Variants in LIPC observed in about 807,000 individuals in gnomAD.
LIPC encodes the protein hepatic triacylglycerol lipase.
A neutral mutation model predicts 50.7 loss-of-function variants in LIPC; 44 were observed. The ratio of observed to expected loss-of-function variants is 0.87; its 90% CI spans 0.68 to 1.11. The LOEUF is 1.11. LIPC is among the 50% of genes most tolerant of loss of function. The probability of loss-of-function intolerance (pLI) is 0.00; values close to 1 mark genes in which losing one functional copy is unlikely to be tolerated. For synonymous variants in LIPC, 271 were observed against 256.4 expected (o/e 1.06, Z -0.54); for missense variants, 697 against 648.2 (o/e 1.08, Z -0.82).
intron 1 of LIPC, among the ~76,000 whole-genome samples, chr15:58,452,895 G>A (rs1893963958): frequency 6.6e-6 from 1 of 152,218 alleles, no homozygotes; most frequent in Non-Finnish European, 1.5e-5. Flanking sequence ...GGTTCACTGT[G>A]GTCCCATCTG....
rs927350688 is a variant in LIPC, at chr15:58,548,549, C to T, written c.1028C>T (p.Thr343Met). The change falls in exon 6 of 9, where the codon ACG becomes ATG. Residue 343 changes from threonine to methionine, a missense_variant. By Grantham distance (81) the Thr-to-Met change is moderately conservative (BLOSUM62 -1). Coordinates refer to ENST00000299022, the MANE Select transcript of LIPC (RefSeq NM_000236.3). ...RSKSKRLFLV[T>M]RAQSPFKVYH... ...AAGAGCAAGAGGCTCTTCCTCGTAACGCGAGCCCAGTCCCCCTTCAAAGGT... is the reference window on the plus strand; with the variant it reads ...AAGAGCAAGAGGCTCTTCCTCGTAATGCGAGCCCAGTCCCCCTTCAAAGGT... 3.1e-6 allele frequency: 5 copies of T among 1,592,938 alleles called. No individual in the cohort carries two copies. The highest frequency in any genetic ancestry group is 2.3e-5 in the East Asian group (1 of 44,340).
At chr15:58,433,934 T>G (rs1893203896) in intron 1 of LIPC, among the ~76,000 whole-genome samples, 3 of 152,224 alleles carry the variant, frequency 2.0e-5, no homozygotes, top group South Asian at 4.1e-4. Context: ...GTGGCTGGTA[T>G]GATGTCTTTC....
intron 6 of LIPC, 43 bp downstream of exon 6, chr15:58,548,615 T>TC (rs768828986): frequency 2.3e-5 from 36 of 1,568,816 alleles, no homozygotes; most frequent in Non-Finnish European, 3.0e-5. Context: ...CAGGATGCAG[T>TC]CCCCTGTCCA....
rs181364860 is a variant in LIPC, at chr15:58,511,751, C to T, written c.89-26582C>T. 5.4e-3 allele frequency among the ~76,000 whole-genome samples: 829 copies of T among 152,294 alleles called. 1 individual carries two copies. Among genetic ancestry groups the T allele is most frequent in the Non-Finnish European group, 9.3e-3 (634 of 68,022 alleles). Reference sequence around the variant, plus strand: ...AGAGAAAGGTCTATGAATAAGATTGCATCACAGTGTGGTTTACATTTGGAA... The same window carrying T: ...AGAGAAAGGTCTATGAATAAGATTGTATCACAGTGTGGTTTACATTTGGAA... On this transcript the variant is annotated intron_variant, in intron 1 of 8. Coordinates refer to ENST00000299022, the MANE Select transcript of LIPC (RefSeq NM_000236.3).
At chr15:58,450,579 G>A (rs1438006514) in intron 1 of LIPC, among the ~76,000 whole-genome samples, 1 of 152,184 alleles carries the variant, frequency 6.6e-6, no homozygotes, top group Non-Finnish European at 1.5e-5. Flanking sequence ...GTCAGTTAAA[G>A]GTCAATTTCC....
intron 1 of LIPC, among the ~76,000 whole-genome samples, chr15:58,494,170 GAGAGA>G (rs1891687995): frequency 6.6e-6 from 1 of 152,230 alleles, no homozygotes; most frequent in Non-Finnish European, 1.5e-5. Flanking sequence ...CACAGCAAGA[GAGAGA>G]ATCCCCAGAG....
intron 1 of LIPC, among the ~76,000 whole-genome samples, chr15:58,462,620 T>C (rs1894392707): frequency 6.6e-6 from 1 of 152,154 alleles, no homozygotes; most frequent in South Asian, 2.1e-4. Flanking sequence ...GATAAATTAA[T>C]CCTCAGCATG....
intron 1 of LIPC, among the ~76,000 whole-genome samples, chr15:58,516,424 G>A (rs1460520419): frequency 1.3e-5 from 2 of 151,586 alleles, no homozygotes; most frequent in Admixed American, 1.3e-4. Context: ...CATTTCTTCT[G>A]TCCCCTTTCT....
At chr15:58,537,178 A>T (rs1893153042) in intron 1 of LIPC, among the ~76,000 whole-genome samples, 1 of 152,180 alleles carries the variant, frequency 6.6e-6, no homozygotes, top group Middle Eastern at 3.2e-3. Context: ...GCCCATCTTG[A>T]CATGCCACGC....
intron 1 of LIPC, among the ~76,000 whole-genome samples, chr15:58,445,078 C>T (rs1389734351): frequency 1.3e-5 from 2 of 152,148 alleles, no homozygotes; most frequent in African/African-American, 2.4e-5. Flanking sequence ...GCCGGCTGGC[C>T]GGCCGCTAGC....
intron 1 of LIPC, among the ~76,000 whole-genome samples, chr15:58,442,459 T>C (rs1389182641): frequency 2.6e-5 from 4 of 152,214 alleles, no homozygotes; most frequent in African/African-American, 9.7e-5. Context: ...AACTGTTTTA[T>C]TCAGGGCCTG....
intron 1 of LIPC, among the ~76,000 whole-genome samples, chr15:58,536,684 T>G (rs1893134700): frequency 6.6e-6 from 1 of 152,198 alleles, no homozygotes; most frequent in Non-Finnish European, 1.5e-5. Context: ...AGACTCTCTA[T>G]AAGCTCAGAA....
intron 8 of LIPC, chr15:58,566,074 G>A: frequency 1.0e-6 from 1 of 979,870 alleles, no homozygotes; most frequent in Non-Finnish European, 1.2e-6. Context: ...ATGTTAAAAT[G>A]CAGGTTCTGC....
chr15:58,519,632 C>G (rs1363464464), intron 1 of LIPC, among the ~76,000 whole-genome samples: 1 of 152,200 alleles, frequency 6.6e-6, no homozygotes, highest in Admixed American at 6.5e-5. Flanking sequence ...CTCTGCCTTG[C>G]TTAGGAGCTG....
At chr15:58,528,659 C>A (rs146650200) in intron 1 of LIPC, among the ~76,000 whole-genome samples, 183 of 152,340 alleles carry the variant, frequency 1.2e-3, no homozygotes, top group African/African-American at 4.2e-3. Flanking sequence ...CACGCACCAC[C>A]ATACCCAGCT....
chr15:58,532,222 C>T (rs1487976791), intron 1 of LIPC, among the ~76,000 whole-genome samples: 1 of 152,194 alleles, frequency 6.6e-6, no homozygotes, highest in Non-Finnish European at 1.5e-5. Context: ...CAAAGCTCAG[C>T]AACAGCTAGG....
intron 1 of LIPC, among the ~76,000 whole-genome samples, chr15:58,519,199 G>A (rs544531977): frequency 2.0e-5 from 3 of 152,186 alleles, no homozygotes; most frequent in East Asian, 3.9e-4. Flanking sequence ...ACGAGGTCAG[G>A]AGATCGAGAC....
chr15:58,538,664 G>T, intron 2 of LIPC, 147 bp downstream of exon 2: 1 of 770,328 alleles, frequency 1.3e-6, no homozygotes, highest in Non-Finnish European at 2.3e-6. Context: ...TTTTCCAAGT[G>T]CTTCCCCACG....
At chr15:58,561,314 T>C (rs551976040) in intron 7 of LIPC, among the ~76,000 whole-genome samples, 16 of 151,998 alleles carry the variant, frequency 1.1e-4, no homozygotes, top group Non-Finnish European at 2.1e-4. Context: ...GAACTCAAAG[T>C]GGTTTGGGGT....
Sources: allele counts gnomAD v4.1 joint callset (sites outside exome capture counted in the v4.1 genomes callset), GRCh38; gene constraint gnomAD v4.1.1; transcripts MANE v1.5; gene names NCBI Gene and HGNC (gene_info 2026-07-23, HGNC 2026-07-21).